Variants in GLIS3 observed in about 807,000 individuals in gnomAD.
GLIS3 encodes GLIS family zinc finger 3.
GLIS3 carries 53 observed loss-of-function variants against 78.6 expected under a neutral mutation model. That is an observed-to-expected ratio of 0.67 (90% CI 0.54 to 0.85). The LOEUF (loss-of-function observed/expected upper bound fraction) is 0.85. GLIS3 is among the 40% of genes least tolerant of loss of function. GLIS3 has a pLI of 0.00. For missense variants in GLIS3, 1,703 were observed against 1,231.1 expected (o/e 1.38, Z -5.74); for synonymous variants, 684 against 509.9 (o/e 1.34, Z -4.60).
chr9:4,474,871 A>T, the GLIS3 span, among the ~76,000 whole-genome samples: 55 of 151,902 alleles, frequency 3.6e-4, no homozygotes, highest in African/African-American at 7.7e-4. Context: ...TGATTTTTTT[A>T]AAAAAGTTTT....
At chr9:4,276,429 AAGGGGACGGGAGGGG>A (rs1827007724) in intron 2 of GLIS3, among the ~76,000 whole-genome samples, 2 of 3,796 alleles carry the variant, frequency 5.3e-4, no homozygotes, top group South Asian at 0.021. Flanking sequence ...GAGGGGAGGG[AAGGGGACGGGAGGGG>A]AGGGAAGGGG....
At chr9:3,934,679 G>A (rs745757081) in intron 5 of GLIS3, among the ~76,000 whole-genome samples, 1 of 152,310 alleles carries the variant, frequency 6.6e-6, no homozygotes, top group East Asian at 1.9e-4. Context: ...AAAGTGCTGG[G>A]ATTATAGGCG....
chr9:4,398,561 C>G, the GLIS3 span, among the ~76,000 whole-genome samples: 1 of 152,002 alleles, frequency 6.6e-6, no homozygotes. Context: ...CCTGCTCCAG[C>G]TCAATTTAAG....
At chr9:4,418,385 C>T in the GLIS3 span, among the ~76,000 whole-genome samples, 1 of 152,118 alleles carries the variant, frequency 6.6e-6, no homozygotes, top group East Asian at 1.9e-4. Context: ...GGTTAAAATT[C>T]GGATGTTACA....
chr9:4,297,547 T>C (rs1402818256), intron 1 of GLIS3, among the ~76,000 whole-genome samples: 1 of 152,134 alleles, frequency 6.6e-6, no homozygotes, highest in East Asian at 1.9e-4. Flanking sequence ...GATGCTGAAG[T>C]CTTGGAGGAA....
At chr9:4,396,989 G>T in the GLIS3 span, among the ~76,000 whole-genome samples, 2 of 148,488 alleles carry the variant, frequency 1.3e-5, no homozygotes, top group Non-Finnish European at 3.0e-5. Flanking sequence ...TTATTGTCTT[G>T]CCCTGTGGTT....
At chr9:3,973,240 C>T (rs1428690311) in intron 4 of GLIS3, among the ~76,000 whole-genome samples, 1 of 152,120 alleles carries the variant, frequency 6.6e-6, no homozygotes, top group East Asian at 1.9e-4. Flanking sequence ...CGGAGTACTG[C>T]CATCCAGGGA....
intron 2 of GLIS3, among the ~76,000 whole-genome samples, chr9:4,282,674 T>C (rs1367354965): frequency 1.1e-4 from 17 of 152,134 alleles, no homozygotes; most frequent in Admixed American, 1.1e-3. Flanking sequence ...TGATTGACTC[T>C]CCCTGTAGAT....
At chr9:4,257,065 ATATG>A (rs1470428479) in intron 2 of GLIS3, among the ~76,000 whole-genome samples, 2 of 152,094 alleles carry the variant, frequency 1.3e-5, no homozygotes, top group Admixed American at 1.3e-4. Context: ...TTATGTGTAC[ATATG>A]TATGTGTACA....
At chr9:3,900,522 T>C (rs143350541) in intron 6 of GLIS3, among the ~76,000 whole-genome samples, 54 of 151,276 alleles carry the variant, frequency 3.6e-4, no homozygotes, top group African/African-American at 1.3e-3. Context: ...ATAAAACAAA[T>C]AGCATTATTT....
At chr9:4,339,001 CTA>C (rs751621039) in intron 2 of GLIS3, among the ~76,000 whole-genome samples, 15 of 152,172 alleles carry the variant, frequency 9.9e-5, no homozygotes, top group Non-Finnish European at 1.3e-4. Flanking sequence ...ACCCTTAAAA[CTA>C]TGTTGAAAAG....
chr9:3,956,028 C>CAAA (rs5896037), intron 4 of GLIS3, among the ~76,000 whole-genome samples: 152 of 87,468 alleles, frequency 1.7e-3, no homozygotes, highest in African/African-American at 2.1e-3. Flanking sequence ...CCAGATTCAG[C>CAAA]AAAAAAAAAA....
At chr9:4,221,129 T>TAC (rs1256023454) in intron 2 of GLIS3, among the ~76,000 whole-genome samples, 2 of 152,192 alleles carry the variant, frequency 1.3e-5, no homozygotes, top group African/African-American at 4.8e-5. Context: ...ACAAAATGCC[T>TAC]ACAACTCACT....
chr9:4,471,375 C>A, the GLIS3 span, among the ~76,000 whole-genome samples: 1 of 152,120 alleles, frequency 6.6e-6, no homozygotes, highest in Non-Finnish European at 1.5e-5. Context: ...GCTACAGTAA[C>A]CAAAACAGCA....
chr9:3,925,951 G>A (rs937483866), intron 6 of GLIS3, among the ~76,000 whole-genome samples: 1 of 152,136 alleles, frequency 6.6e-6, no homozygotes, highest in Non-Finnish European at 1.5e-5. Context: ...AACCTACTGA[G>A]GCCATTAAGT....
chr9:3,847,154 A>AGCCTGGGC (rs1819101584), intron 9 of GLIS3, among the ~76,000 whole-genome samples: 1 of 152,226 alleles, frequency 6.6e-6, no homozygotes, highest in Non-Finnish European at 1.5e-5. Context: ...TCTGTACTCC[A>AGCCTGGGC]GCCTGGGCGA....
intron 4 of GLIS3, among the ~76,000 whole-genome samples, chr9:3,957,437 C>A (rs1563890706): frequency 6.6e-6 from 1 of 152,168 alleles, no homozygotes; most frequent in African/African-American, 2.4e-5. Context: ...GCAGGAGGAA[C>A]AAAGACTCAA....
At chr9:4,280,838 A>G (rs908849181) in intron 2 of GLIS3, among the ~76,000 whole-genome samples, 10 of 152,180 alleles carry the variant, frequency 6.6e-5, no homozygotes, top group Admixed American at 2.0e-4. Context: ...AAGCTCCACG[A>G]TCTTGGACCA....
At chr9:4,289,101 C>A (rs942349374) in intron 1 of GLIS3, among the ~76,000 whole-genome samples, 8 of 151,912 alleles carry the variant, frequency 5.3e-5, no homozygotes, top group Non-Finnish European at 7.4e-5. Context: ...TAAGAAAGAC[C>A]CTCATAGAGT....
Sources: gnomAD v4.1 joint callset for allele counts (sites outside exome capture counted in the v4.1 genomes callset) on GRCh38, gnomAD v4.1.1 for gene constraint, MANE v1.5 for transcripts, NCBI Gene and HGNC (gene_info 2026-07-23, HGNC 2026-07-21) for gene names.